The following TMTC4 variants were observed in gnomAD, a reference collection of about 807,000 sequenced individuals.
TMTC4 encodes the protein transmembrane O-mannosyltransferase targeting cadherins 4.
Under a neutral mutation model 86.0 loss-of-function variants are expected in TMTC4, and 65 were observed. The observed-to-expected ratio is 0.76, with a 90% CI of 0.62 to 0.93. TMTC4 has a LOEUF of 0.93. Among genes scored for constraint, TMTC4 ranks in the 40% least tolerant of loss-of-function variants. The pLI, the probability that TMTC4 is intolerant of heterozygous loss-of-function variation, is 0.00. For synonymous variants in TMTC4, 379 were observed against 382.5 expected (o/e 0.99, Z 0.11); for missense variants, 866 against 948.1 (o/e 0.91, Z 1.14).
intron 5 of TMTC4, among the ~76,000 whole-genome samples, chr13:100,659,262 ATT>A (rs1248652505): frequency 6.6e-6 from 1 of 152,102 alleles, no homozygotes; most frequent in African/African-American, 2.4e-5. Flanking sequence ...CTTTTTAAAC[ATT>A]TTGTTTAATT....
chr13:100,622,400 T>G (rs1879653051), intron 15 of TMTC4, among the ~76,000 whole-genome samples: 1 of 152,180 alleles, frequency 6.6e-6, no homozygotes, highest in South Asian at 2.1e-4. Context: ...TTTGGCTGTG[T>G]CCCCACCCAA....
intron 7 of TMTC4, among the ~76,000 whole-genome samples, chr13:100,639,810 T>C (rs564610842): frequency 7.5e-4 from 114 of 152,030 alleles, no homozygotes; most frequent in African/African-American, 2.6e-3. Flanking sequence ...CGTGGTGGCA[T>C]GTGCCTGTAA....
At chr13:100,606,729 G>A (rs1243050961) in intron 17 of TMTC4, among the ~76,000 whole-genome samples, 4 of 152,308 alleles carry the variant, frequency 2.6e-5, no homozygotes, top group African/African-American at 9.6e-5. Flanking sequence ...CAGGGTGCGT[G>A]ATGACGACAG....
chr13:100,646,725 C>T (rs1032769027), intron 6 of TMTC4, among the ~76,000 whole-genome samples: 2 of 152,204 alleles, frequency 1.3e-5, no homozygotes, highest in African/African-American at 4.8e-5. Context: ...TTAGATCCAT[C>T]AAGCAAACTA....
At position 100,614,690 on chromosome 13, in the gene TMTC4, A is replaced by G. The variant is rs187715823; in HGVS notation, c.1837-260T>C. On this transcript the variant is annotated intron_variant, in intron 15 of 18. Coordinates refer to ENST00000342624, the MANE Select transcript of TMTC4 (RefSeq NM_032813.5). The stretch of plus-strand genomic sequence containing the variant: ...GGCACGAGGAAATGAACTTGCCCAA[A>G]GTTATAGACTAGAAATGGTAAAGCA... Among the ~76,000 whole-genome samples the G allele has an allele frequency of 2.0e-3, 302 of 152,262 alleles. 2 individuals are homozygous for G. Among genetic ancestry groups the G allele is most frequent in the African/African-American group, 6.4e-3 (266 of 41,550 alleles).
At chr13:100,637,496 G>C in intron 9 of TMTC4, 42 bp downstream of exon 9, 1 of 1,572,834 alleles carries the variant, frequency 6.4e-7, no homozygotes, top group Non-Finnish European at 8.7e-7. Context: ...GAATCTGGTG[G>C]GGGAAGAAAA....
chr13:100,647,371 G>A (rs533134514), intron 6 of TMTC4, among the ~76,000 whole-genome samples: 189 of 152,110 alleles, frequency 1.2e-3, no homozygotes, highest in Non-Finnish European at 2.2e-3. Flanking sequence ...TTGACCAGGC[G>A]CTCAGCTCCA....
chr13:100,621,694 G>C (rs1879507045), intron 15 of TMTC4, among the ~76,000 whole-genome samples: 1 of 152,154 alleles, frequency 6.6e-6, no homozygotes, highest in Non-Finnish European at 1.5e-5. Flanking sequence ...CAAAGTGCTG[G>C]GATTACAGGC....
intron 5 of TMTC4, among the ~76,000 whole-genome samples, chr13:100,662,722 T>C (rs1250983696): frequency 1.3e-5 from 2 of 152,158 alleles, no homozygotes; most frequent in African/African-American, 2.4e-5. Context: ...CCCACCGACA[T>C]GGTGCTCTGC....
At chr13:100,668,857 G>T in intron 2 of TMTC4, 63 bp from the exon 3 acceptor site, 1 of 1,488,630 alleles carries the variant, frequency 6.7e-7, no homozygotes. Context: ...TCTGCAGTGG[G>T]CACCGTGAGT....
intron 15 of TMTC4, among the ~76,000 whole-genome samples, chr13:100,617,569 A>G (rs575271210): frequency 3.3e-5 from 5 of 152,126 alleles, no homozygotes; most frequent in Admixed American, 6.6e-5. Flanking sequence ...TCCCAGCACG[A>G]TTTATTGCCT....
chr13:100,609,638 G>A (rs1232065792), intron 17 of TMTC4, among the ~76,000 whole-genome samples: 1 of 151,728 alleles, frequency 6.6e-6, no homozygotes, highest in Non-Finnish European at 1.5e-5. Context: ...ATGATCCCTA[G>A]AGATTCACTG....
chr13:100,612,584 C>T (rs1458330392), intron 16 of TMTC4, 74 bp from the exon 17 acceptor site: 2 of 1,125,046 alleles, frequency 1.8e-6, no homozygotes, highest in Non-Finnish European at 2.7e-6. Context: ...CTATAACTAA[C>T]AGGGTTTATG....
rs545133656 is a variant in TMTC4, at chr13:100,623,830, G to A, written c.1836+1705C>T. Reference sequence around the variant, plus strand: ...GCATTGCTGGGTCTTGCCTTTGTGCGGCCAAAACCAGATGACAGCACTGTT... The same window carrying A: ...GCATTGCTGGGTCTTGCCTTTGTGCAGCCAAAACCAGATGACAGCACTGTT... On this transcript the variant is annotated intron_variant, in intron 15 of 18. Coordinates refer to ENST00000342624, the MANE Select transcript of TMTC4 (RefSeq NM_032813.5). The A allele has an allele frequency of 2.0e-5, 9 of 445,600 alleles. No homozygotes were observed. In the East Asian group the frequency reaches 2.0e-4, roughly 10 times the overall value. 27.6% of individuals were successfully genotyped at this position (445,600 alleles called of 1,614,324 possible). A position where few individuals can be genotyped will look rare whatever the true frequency, so the allele number is the denominator to read the frequency against.
intron 6 of TMTC4, among the ~76,000 whole-genome samples, chr13:100,644,499 C>A (rs749814943): frequency 6.6e-5 from 10 of 152,178 alleles, no homozygotes; most frequent in African/African-American, 9.7e-5. Flanking sequence ...TCTCAATGAA[C>A]CATGAGCAGG....
chr13:100,636,624 G>T lies in TMTC4; in HGVS notation c.1110C>A (p.Ser370Arg), dbSNP rs147548217. 1.9e-6 allele frequency: 3 copies of T among 1,614,184 alleles called. No individual in the cohort carries two copies. The highest frequency in any genetic ancestry group is 2.5e-6 in the Non-Finnish European group (3 of 1,180,038). The change falls in exon 10 of 19, where the codon AGC (serine) becomes AGA (arginine). Residue 370 changes from serine to arginine, a missense_variant. By Grantham distance (110) the Ser-to-Arg change is moderately radical (BLOSUM62 -1). Coordinates refer to ENST00000342624, the MANE Select transcript of TMTC4 (RefSeq NM_032813.5). ...MGCIPLIKSI[S>R]DWRVIALAAL... ...CTGCAAGTGCAATTACCCTCCAGTC[G>T]CTGATGGACTTAATGAGGGGGATGC...
intron 6 of TMTC4, among the ~76,000 whole-genome samples, chr13:100,648,286 G>T (rs1407633268): frequency 6.6e-6 from 1 of 151,740 alleles, no homozygotes; most frequent in Non-Finnish European, 1.5e-5. Flanking sequence ...GGTGGGATGT[G>T]TTGTTAGTGT....
chr13:100,636,610 A>G lies in TMTC4; in HGVS notation c.1124T>C (p.Ile375Thr), dbSNP rs144801328. Reference protein sequence around the residue: ...LIKSISDWRVIALAALWFCLI... With the variant: ...LIKSISDWRVTALAALWFCLI... Reference sequence around the variant, plus strand: ...GCAGAACCAGAGTGCTGCAAGTGCAATTACCCTCCAGTCGCTGATGGACTT... The same window carrying G: ...GCAGAACCAGAGTGCTGCAAGTGCAGTTACCCTCCAGTCGCTGATGGACTT... The change falls in exon 10 of 19, where the codon ATT (isoleucine) becomes ACT (threonine). Residue 375 changes from isoleucine to threonine, a missense_variant. Transcript: ENST00000342624. The G allele has an allele frequency of 5.2e-4, 836 of 1,614,114 alleles. 1 individual carries two copies. Among genetic ancestry groups the G allele is most frequent in the Non-Finnish European group, 6.8e-4 (799 of 1,180,044 alleles).
At chr13:100,623,956 T>A in intron 15 of TMTC4, 1 of 450,088 alleles carries the variant, frequency 2.2e-6, no homozygotes. Context: ...GGTAGTACAT[T>A]GTATGGGTCC....
Sources: gnomAD v4.1 joint callset for allele counts (sites outside exome capture counted in the v4.1 genomes callset) on GRCh38, gnomAD v4.1.1 for gene constraint, MANE v1.5 for transcripts, NCBI Gene and HGNC (gene_info 2026-07-23, HGNC 2026-07-21) for gene names.